Variants in CNTNAP2 observed in about 807,000 individuals in gnomAD.
CNTNAP2 encodes the protein contactin-associated protein-like 2.
In CNTNAP2, 98 loss-of-function variants were observed where a neutral mutation model predicts 155.2. That is an observed-to-expected ratio of 0.63 (90% CI 0.54 to 0.75). CNTNAP2 has a LOEUF of 0.75. CNTNAP2 is among the 30% of genes least tolerant of loss of function. CNTNAP2 has a pLI of 0.00. For missense variants in CNTNAP2, 1,727 were observed against 1,688.1 expected (o/e 1.02, Z -0.40); for synonymous variants, 651 against 631.2 (o/e 1.03, Z -0.47).
intron 13 of CNTNAP2, among the ~76,000 whole-genome samples, chr7:147,839,879 A>G (rs940719278): frequency 6.6e-5 from 10 of 151,972 alleles, no homozygotes; most frequent in African/African-American, 2.2e-4. Context: ...AATGTGGTGT[A>G]TATATGTGTG....
chr7:147,988,321 G>A (rs1185178928), intron 15 of CNTNAP2, among the ~76,000 whole-genome samples: 2 of 152,178 alleles, frequency 1.3e-5, no homozygotes, highest in African/African-American at 4.8e-5. Context: ...GGAGGGTCTA[G>A]AAGAAAGAGA....
In CNTNAP2 at chr7:146,450,005, T is replaced by C. The variant is rs1006276492; in HGVS notation, c.98-324266T>C. Reference sequence around the variant, plus strand: ...TTCTATACAGAACACAATTTTAATGTCATTCCCGTGTTCCTCAGTATATCC... The same window carrying C: ...TTCTATACAGAACACAATTTTAATGCCATTCCCGTGTTCCTCAGTATATCC... On this transcript the variant is annotated intron_variant, in intron 1 of 23. Coordinates refer to ENST00000361727, the MANE Select transcript of CNTNAP2 (RefSeq NM_014141.6). 2.6e-5 allele frequency among the ~76,000 whole-genome samples: 4 copies of C among 152,186 alleles called. No homozygotes were observed. The East Asian group carries it at 7.7e-4, about 29-fold the overall frequency.
intron 13 of CNTNAP2, among the ~76,000 whole-genome samples, chr7:147,889,476 C>T (rs1343074169): frequency 2.0e-5 from 3 of 151,806 alleles, no homozygotes; most frequent in Non-Finnish European, 4.4e-5. Flanking sequence ...TATTGTGAGC[C>T]TATTGATACG....
At chr7:148,177,351 C>T (rs1200685781) in intron 18 of CNTNAP2, among the ~76,000 whole-genome samples, 8 of 152,162 alleles carry the variant, frequency 5.3e-5, no homozygotes, top group Admixed American at 3.3e-4. Flanking sequence ...CATGTGAAGA[C>T]GGAGGCAGAG....
intron 12 of CNTNAP2, among the ~76,000 whole-genome samples, chr7:147,629,412 T>TAAA (rs1382267290): frequency 2.3e-5 from 1 of 42,692 alleles, no homozygotes; most frequent in African/African-American, 6.5e-5. Context: ...TCAAAAATAA[T>TAAA]AATAATAATA....
At chr7:148,253,752 G>T (rs1044573740) in intron 20 of CNTNAP2, among the ~76,000 whole-genome samples, 5 of 152,172 alleles carry the variant, frequency 3.3e-5, no homozygotes, top group African/African-American at 1.2e-4. Flanking sequence ...CTGGGCAGGT[G>T]TAACTTCAGG....
At chr7:146,967,528 C>T (rs1797682451) in intron 3 of CNTNAP2, among the ~76,000 whole-genome samples, 2 of 152,054 alleles carry the variant, frequency 1.3e-5, no homozygotes, top group South Asian at 4.1e-4. Flanking sequence ...CCTTCACATC[C>T]CTTGTAAGTT....
At chr7:148,409,512 CTATGGAAAGTAA>C (rs1799778780) in intron 23 of CNTNAP2, 41 bp downstream of exon 23, 1 of 1,532,912 alleles carries the variant, frequency 6.5e-7, no homozygotes, top group African/African-American at 1.4e-5. Context: ...GGCTACTCAA[CTATGGAAAGTAA>C]TAGTTGTCAA....
At chr7:146,990,055 A>G (rs1022914617) in intron 3 of CNTNAP2, among the ~76,000 whole-genome samples, 2 of 152,074 alleles carry the variant, frequency 1.3e-5, no homozygotes, top group Non-Finnish European at 2.9e-5. Context: ...AATTTTACTT[A>G]GGTCCTGTAG....
chr7:148,297,387 T>C (rs1264739287), intron 21 of CNTNAP2, among the ~76,000 whole-genome samples: 1 of 152,112 alleles, frequency 6.6e-6, no homozygotes, highest in Non-Finnish European at 1.5e-5. Flanking sequence ...CAGATGAATA[T>C]TGATGGATCT....
intron 8 of CNTNAP2, among the ~76,000 whole-genome samples, chr7:147,142,827 C>A (rs1024314786): frequency 1.3e-5 from 2 of 152,142 alleles, no homozygotes; most frequent in Non-Finnish European, 2.9e-5. Flanking sequence ...TCCACTGGAG[C>A]ATTTGGCCTC....
chr7:146,871,699 A>G (rs1434498658), intron 3 of CNTNAP2, among the ~76,000 whole-genome samples: 3 of 152,094 alleles, frequency 2.0e-5, no homozygotes, highest in East Asian at 3.9e-4. Flanking sequence ...TTGCAATAAA[A>G]TATATTTTCA....
intron 8 of CNTNAP2, among the ~76,000 whole-genome samples, chr7:147,183,891 T>G (rs1802515055): frequency 6.6e-6 from 1 of 152,294 alleles, no homozygotes; most frequent in Admixed American, 6.5e-5. Context: ...GTGCCTACTA[T>G]AGTTTTTATT....
chr7:147,485,989 C>G lies in CNTNAP2; in HGVS notation c.1725C>G (p.Ser575Arg), dbSNP rs940446033. ...GAAAGTGCTCGCAAACATGGGACAG[C>G]TTCAAATGCACTTGTGATGAGACAG... ...HGGKCSQTWDSFKCTCDETGY... is the reference protein window; with the variant it reads ...HGGKCSQTWDRFKCTCDETGY... The change falls in exon 11 of 24, where the codon AGC (serine) becomes AGG (arginine). Residue 575 changes from serine to arginine, a missense_variant. Coordinates refer to ENST00000361727, the MANE Select transcript of CNTNAP2 (RefSeq NM_014141.6). 6.2e-7 allele frequency: 1 copy of G among 1,614,118 alleles called. No homozygotes were observed. Among genetic ancestry groups the G allele is most frequent in the Admixed American group, 1.7e-5 (1 of 60,010 alleles).
chr7:147,804,152 C>G (rs559721244), intron 13 of CNTNAP2, among the ~76,000 whole-genome samples: 2 of 152,318 alleles, frequency 1.3e-5, no homozygotes, highest in East Asian at 3.9e-4. Context: ...ACCAGAAGCA[C>G]TTACTTGAAA....
intron 9 of CNTNAP2, among the ~76,000 whole-genome samples, chr7:147,340,781 C>T (rs1795748555): frequency 6.6e-6 from 1 of 151,998 alleles, no homozygotes. Flanking sequence ...TCAACACTCT[C>T]TCCACATTAT....
At chr7:146,127,057 T>A (rs1231399766) in intron 1 of CNTNAP2, among the ~76,000 whole-genome samples, 1 of 152,188 alleles carries the variant, frequency 6.6e-6, no homozygotes, top group African/African-American at 2.4e-5. Flanking sequence ...TTCTTCCCTG[T>A]CTCTTAAATT....
At chr7:146,973,540 T>C (rs1198344776) in intron 3 of CNTNAP2, among the ~76,000 whole-genome samples, 1 of 152,208 alleles carries the variant, frequency 6.6e-6, no homozygotes, top group Non-Finnish European at 1.5e-5. Context: ...CTTTTAAGGA[T>C]AATTAAAAAC....
At position 147,349,105 on chromosome 7, in the gene CNTNAP2, A is replaced by G. The variant is rs115452852; in HGVS notation, c.1499-46504A>G. ...GGATAACAATATTTAACAATAATACATAGTTTCAAATAGCTAAAAAGAGGA... is the reference window on the plus strand; with the variant it reads ...GGATAACAATATTTAACAATAATACGTAGTTTCAAATAGCTAAAAAGAGGA... On this transcript the variant is annotated intron_variant, in intron 9 of 23. Coordinates refer to ENST00000361727, the MANE Select transcript of CNTNAP2 (RefSeq NM_014141.6). 8.4e-3 allele frequency among the ~76,000 whole-genome samples: 1,282 copies of G among 152,076 alleles called. 17 individuals are homozygous for G. Among genetic ancestry groups the G allele is most frequent in the African/African-American group, 0.029 (1,212 of 41,540 alleles).
Sources: gnomAD v4.1 joint callset for allele counts (sites outside exome capture counted in the v4.1 genomes callset) on GRCh38, gnomAD v4.1.1 for gene constraint, MANE v1.5 for transcripts, NCBI Gene and HGNC (gene_info 2026-07-23, HGNC 2026-07-21) for gene names.